TMEM242: variants seen among roughly 807,000 people sequenced by gnomAD.
The protein encoded by TMEM242 is transmembrane protein 242.
A neutral mutation model predicts 18.2 loss-of-function variants in TMEM242; 10 were observed. That is an observed-to-expected ratio of 0.55 (90% confidence interval 0.34 to 0.93). The LOEUF is 0.93. TMEM242 is among the 40% of genes least tolerant of loss of function. TMEM242 has a pLI of 0.02. For missense variants in TMEM242, 186 were observed against 175.5 expected (o/e 1.06, Z -0.34); for synonymous variants, 57 against 69.9 (o/e 0.81, Z 0.92).
chr6:157,323,209 C>T (rs192644241), intron 1 of TMEM242, among the ~76,000 whole-genome samples: 1 of 152,270 alleles, frequency 6.6e-6, no homozygotes, highest in East Asian at 1.9e-4. Context: ...GCGGGATCTG[C>T]CCCCCGCCCC....
Position 157,292,536 on chromosome 6 carries a change from G to A in TMEM242, c.*365C>T, listed in dbSNP as rs1372389807. Reference sequence around the variant, plus strand: ...TAATTAGACACATTGCAGTACTATTGCTATTAGGGGGTCTGTTTTATAAAT... The same window carrying A: ...TAATTAGACACATTGCAGTACTATTACTATTAGGGGGTCTGTTTTATAAAT... On this transcript the variant is annotated 3_prime_UTR_variant, in exon 4 of 4. Transcript: ENST00000400788. 1 of 166,282 alleles carries A rather than the reference G, an allele frequency of 6.0e-6. No individual in the cohort carries two copies. The highest frequency in any genetic ancestry group is 2.4e-5 in the African/African-American group (1 of 41,860). 10.3% of individuals were successfully genotyped at this position (166,282 alleles called of 1,614,324 possible).
At chr6:157,312,603 CACTCACCTA>C (rs1778202944) in intron 3 of TMEM242, among the ~76,000 whole-genome samples, 3 of 68,464 alleles carry the variant, frequency 4.4e-5, no homozygotes, top group East Asian at 4.1e-4. Context: ...CCGCAGTGTG[CACTCACCTA>C]GCCTCACCAT....
intron 3 of TMEM242, chr6:157,300,059 G>T: frequency 3.8e-6 from 3 of 789,636 alleles, no homozygotes; most frequent in Admixed American, 3.9e-5. Flanking sequence ...GGGACACAGG[G>T]ACAGGAAATT....
At position 157,291,153 on chromosome 6, in the gene TMEM242, A is replaced by G. The variant is rs1294556355; in HGVS notation, c.*1748T>C. 6.6e-6 allele frequency: 1 copy of G among 152,218 alleles called. No individual in the cohort carries two copies. Among genetic ancestry groups the G allele is most frequent in the Non-Finnish European group, 1.5e-5 (1 of 68,034 alleles). 9.4% of individuals were successfully genotyped at this position (152,218 alleles called of 1,614,324 possible). On this transcript the variant is annotated 3_prime_UTR_variant, in exon 4 of 4. Coordinates refer to ENST00000400788, the MANE Select transcript of TMEM242 (RefSeq NM_018452.6). Reference sequence around the variant, plus strand: ...AATCCATTAACAGAATCAGTTAACAATGATTTCTCCTTTTAACACTCCAGA... The same window carrying G: ...AATCCATTAACAGAATCAGTTAACAGTGATTTCTCCTTTTAACACTCCAGA...
At chr6:157,314,481 A>G (rs907774526) in intron 3 of TMEM242, among the ~76,000 whole-genome samples, 1 of 152,204 alleles carries the variant, frequency 6.6e-6, no homozygotes, top group Non-Finnish European at 1.5e-5. Context: ...CTTAATTATA[A>G]TCAAATAATA....
In TMEM242 at chr6:157,292,709, A is replaced by C; in HGVS notation, c.*192T>G. On this transcript the variant is annotated 3_prime_UTR_variant, in exon 4 of 4. Transcript: ENST00000400788. The stretch of plus-strand genomic sequence containing the variant: ...TTTAAATAGTCTTCTTAACTGTGGG[A>C]AAACTTTACCCTCCCCCAGCACGCA... 4.7e-6 allele frequency: 2 copies of C among 426,670 alleles called. No homozygotes were observed. Among genetic ancestry groups the C allele is most frequent in the Non-Finnish European group, 8.3e-6 (2 of 240,660 alleles). The allele number at this position is 426,670 out of a possible 1,614,324, so 26.4% of individuals were successfully genotyped here. A position where few individuals can be genotyped will look rare whatever the true frequency, so the allele number is the denominator to read the frequency against.
intron 2 of TMEM242, among the ~76,000 whole-genome samples, chr6:157,320,094 G>A (rs587727848): frequency 6.6e-6 from 1 of 152,314 alleles, no homozygotes; most frequent in Non-Finnish European, 1.5e-5. Flanking sequence ...CAGTATAAAC[G>A]CATTAACTGT....
intron 3 of TMEM242, among the ~76,000 whole-genome samples, chr6:157,294,780 C>A (rs2128412681): frequency 6.6e-6 from 1 of 152,232 alleles, no homozygotes; most frequent in East Asian, 1.9e-4. Flanking sequence ...CTTGTAAATC[C>A]TAGGCATTTA....
intron 3 of TMEM242, chr6:157,299,632 C>T (rs1777800009): frequency 2.5e-6 from 4 of 1,606,880 alleles, no homozygotes; most frequent in Admixed American, 1.7e-5. Context: ...GGGGGCTGTA[C>T]TGGACAATAC....
chr6:157,311,368 CAT>C (rs1778079834), intron 3 of TMEM242, among the ~76,000 whole-genome samples: 3 of 118,692 alleles, frequency 2.5e-5, no homozygotes, highest in East Asian at 2.4e-4. Context: ...CTAGCCTCAT[CAT>C]AGTGTTCCAG....
intron 3 of TMEM242, among the ~76,000 whole-genome samples, chr6:157,307,206 T>G (rs1777927618): frequency 6.6e-6 from 1 of 152,184 alleles, no homozygotes; most frequent in Non-Finnish European, 1.5e-5. Context: ...TTTTCTAGGC[T>G]CAGTCTAAGA....
rs1169383222 is a variant in TMEM242 at position 157,290,589 on chromosome 6, T to C, written c.*2312A>G. The C allele has an allele frequency of 6.6e-6, 1 of 152,198 alleles. No individual in the cohort carries two copies. The highest frequency in any genetic ancestry group is 1.5e-5 in the Non-Finnish European group (1 of 68,020). The allele number at this position is 152,198 out of a possible 1,614,324, so 9.4% of individuals were successfully genotyped here. A position where few individuals can be genotyped will look rare whatever the true frequency, so the allele number is the denominator to read the frequency against. On this transcript the variant is annotated 3_prime_UTR_variant, in exon 4 of 4. Transcript: ENST00000400788. ...AGAATAACATTATCTGTTCAACATT[T>C]TTCCTTTCCATTAACCAATTTAACA...
rs1777896603 is a variant in TMEM242, at chr6:157,305,423, G to A, written c.328-12424C>T. The stretch of plus-strand genomic sequence containing the variant: ...TGGGAATAAAGTGAGGAAATCAAGT[G>A]CTCTAGTTGGGACATGGGTCATGTG... On this transcript the variant is annotated intron_variant, in intron 3 of 3. Coordinates refer to ENST00000400788, the MANE Select transcript of TMEM242 (RefSeq NM_018452.6). The surrounding 1 kb of genome is among the most constrained non-coding windows in gnomAD (Gnocchi z 4.1). Among the ~76,000 whole-genome samples the A allele has an allele frequency of 6.6e-6, 1 of 152,112 alleles. No individual in the cohort carries two copies. The highest frequency in any genetic ancestry group is 1.5e-5 in the Non-Finnish European group (1 of 68,026).
At chr6:157,299,032 G>C (rs1171364630) in intron 3 of TMEM242, 3 of 291,786 alleles carry the variant, frequency 1.0e-5, no homozygotes, top group Non-Finnish European at 2.1e-5. Context: ...CAGAATGGTA[G>C]TTTTAGACAA....
At chr6:157,314,248 CAT>C (rs1554250067) in intron 3 of TMEM242, among the ~76,000 whole-genome samples, 1 of 150,524 alleles carries the variant, frequency 6.6e-6, no homozygotes, top group East Asian at 1.9e-4. Context: ...CTGGCCTCAT[CAT>C]AGTGTCCCAG....
chr6:157,299,716 T>C, intron 3 of TMEM242: 1 of 1,606,284 alleles, frequency 6.2e-7, no homozygotes, highest in Non-Finnish European at 8.5e-7. Context: ...TTTCTTGACG[T>C]GCACCTTCTG....
intron 3 of TMEM242, among the ~76,000 whole-genome samples, chr6:157,306,607 G>A (rs1554247932): frequency 6.6e-6 from 1 of 152,176 alleles, no homozygotes; most frequent in African/African-American, 2.4e-5. Context: ...TGAGCCTAGA[G>A]CTCAGGGTGT....
chr6:157,301,022 A>C (rs1173351007), intron 3 of TMEM242, among the ~76,000 whole-genome samples: 3 of 152,292 alleles, frequency 2.0e-5, no homozygotes, highest in African/African-American at 7.2e-5. Flanking sequence ...AAATTCCCTT[A>C]CAGTTTCTGA....
intron 2 of TMEM242, among the ~76,000 whole-genome samples, chr6:157,322,083 C>T (rs1302652169): frequency 6.6e-6 from 1 of 152,162 alleles, no homozygotes; most frequent in Non-Finnish European, 1.5e-5. Flanking sequence ...TAACACTTTT[C>T]CTCCATAGCA....
Sources: gnomAD v4.1 joint callset for allele counts (sites outside exome capture counted in the v4.1 genomes callset) on GRCh38, gnomAD v4.1.1 for gene constraint, Gnocchi (gnomAD v3.1) non-coding constraint, MANE v1.5 for transcripts, NCBI Gene and HGNC (gene_info 2026-07-23, HGNC 2026-07-21) for gene names.